Variants in SYT1 observed in about 807,000 individuals in gnomAD.
The protein encoded by SYT1 is synaptotagmin 1.
SYT1 carries 8 observed loss-of-function variants against 44.8 expected under a neutral mutation model. The ratio of observed to expected loss-of-function variants is 0.18; its 90% CI spans 0.10 to 0.32. SYT1 has a LOEUF of 0.32. Among genes scored for constraint, SYT1 ranks in the 10% least tolerant of loss-of-function variants. The pLI is 1.00. For missense variants in SYT1, 286 were observed against 509.3 expected, an observed-to-expected ratio of 0.56 and a Z score of 4.22; for synonymous variants, 154 against 188.8, an observed-to-expected ratio of 0.82 and a Z score of 1.51.
intron 3 of SYT1, among the ~76,000 whole-genome samples, chr12:79,057,002 C>T (rs1565785860): frequency 6.6e-6 from 1 of 152,018 alleles, no homozygotes. Flanking sequence ...AACACCACTT[C>T]TCCTTTCAAT....
chr12:79,263,286 T>A (rs976106690), intron 4 of SYT1, among the ~76,000 whole-genome samples: 18 of 147,712 alleles, frequency 1.2e-4, no homozygotes, highest in Admixed American at 2.7e-4. Flanking sequence ...TTTTTTTTTT[T>A]ATGTCCAGAG....
intron 1 of SYT1, among the ~76,000 whole-genome samples, chr12:78,968,513 AT>A (rs781397355): frequency 1.3e-5 from 2 of 152,194 alleles, no homozygotes; most frequent in Non-Finnish European, 2.9e-5. Flanking sequence ...TTGAAAGTTC[AT>A]CTGTGAATTT....
At chr12:79,373,524 A>C (rs1454510115) in intron 9 of SYT1, among the ~76,000 whole-genome samples, 1 of 152,168 alleles carries the variant, frequency 6.6e-6, no homozygotes, top group Non-Finnish European at 1.5e-5. Flanking sequence ...ATATCTGTTT[A>C]ACTTTGTAAT....
chr12:78,925,790 C>G (rs1167571595), intron 1 of SYT1, among the ~76,000 whole-genome samples: 4 of 151,914 alleles, frequency 2.6e-5, no homozygotes, highest in Non-Finnish European at 5.9e-5. Context: ...TACTTCATAC[C>G]TTTTTCTCAA....
chr12:79,121,532 G>C (rs1010898027), intron 3 of SYT1, among the ~76,000 whole-genome samples: 13 of 152,208 alleles, frequency 8.5e-5, no homozygotes, highest in Non-Finnish European at 1.8e-4. Flanking sequence ...CTGAATAAAG[G>C]GTTCAATTTT....
At chr12:79,339,624 G>A (rs999014375) in intron 8 of SYT1, among the ~76,000 whole-genome samples, 1 of 152,140 alleles carries the variant, frequency 6.6e-6, no homozygotes, top group Non-Finnish European at 1.5e-5. Context: ...AAGGTTACCT[G>A]TTCACTCTGA....
chr12:78,968,681 A>G (rs17264430), intron 1 of SYT1, among the ~76,000 whole-genome samples: 8,387 of 152,246 alleles, frequency 0.055, 256 homozygotes, highest in Admixed American at 0.089. Flanking sequence ...TGGGGCATGC[A>G]TAGTGCAGAG....
chr12:79,023,590 T>C (rs1440076734), intron 2 of SYT1, among the ~76,000 whole-genome samples: 2 of 151,916 alleles, frequency 1.3e-5, no homozygotes, highest in Non-Finnish European at 2.9e-5. Context: ...AACCAGCCTG[T>C]AGTCGTTGTT....
chr12:79,164,006 T>G (rs1407969189), intron 3 of SYT1, among the ~76,000 whole-genome samples: 1 of 151,966 alleles, frequency 6.6e-6, no homozygotes, highest in African/African-American at 2.4e-5. Context: ...CTTTCTATCT[T>G]TTTTCCACCA....
chr12:79,168,025 C>T (rs879533185), intron 3 of SYT1, among the ~76,000 whole-genome samples: 4 of 152,090 alleles, frequency 2.6e-5, no homozygotes, highest in Admixed American at 2.6e-4. Flanking sequence ...CAGTAATGCT[C>T]ATTCTCCATC....
At chr12:78,908,136 T>C (rs986616607) in intron 1 of SYT1, among the ~76,000 whole-genome samples, 2 of 151,906 alleles carry the variant, frequency 1.3e-5, no homozygotes, top group African/African-American at 4.8e-5. Context: ...TTTCAGAAAC[T>C]CAAGGAAAAT....
intron 9 of SYT1, among the ~76,000 whole-genome samples, chr12:79,389,742 A>G (rs991226136): frequency 1.3e-5 from 2 of 152,210 alleles, no homozygotes; most frequent in African/African-American, 4.8e-5. Context: ...TTCAACTCTC[A>G]GTTCTACCAT....
intron 9 of SYT1, chr12:79,392,428 A>G (rs1258286574): frequency 2.6e-5 from 4 of 152,178 alleles, no homozygotes; most frequent in Non-Finnish European, 5.9e-5. Context: ...AATAATACAG[A>G]TTGTAGATGC....
intron 3 of SYT1, among the ~76,000 whole-genome samples, chr12:79,178,165 G>T (rs927964591): frequency 4.6e-5 from 7 of 152,034 alleles, no homozygotes; most frequent in Non-Finnish European, 8.8e-5. Context: ...TTTTAGCATA[G>T]TTGGCCCTTG....
At chr12:79,035,958 A>C (rs920305438) in intron 2 of SYT1, among the ~76,000 whole-genome samples, 81 of 151,826 alleles carry the variant, frequency 5.3e-4, no homozygotes, top group Admixed American at 2.1e-3. Flanking sequence ...ACAAAAAAAA[A>C]AAAAACAAGG....
At chr12:79,091,431 C>T (rs1877769483) in intron 3 of SYT1, among the ~76,000 whole-genome samples, 3 of 151,966 alleles carry the variant, frequency 2.0e-5, no homozygotes, top group Non-Finnish European at 4.4e-5. Flanking sequence ...ATTGAAGCAG[C>T]ATATAAACTA....
intron 9 of SYT1, among the ~76,000 whole-genome samples, chr12:79,435,963 C>T (rs1392291530): frequency 6.6e-6 from 1 of 152,186 alleles, no homozygotes. Flanking sequence ...GGAAGTTATA[C>T]ATATCACTTC....
At chr12:79,049,018 G>T (rs1650227873) in intron 3 of SYT1, among the ~76,000 whole-genome samples, 2 of 151,768 alleles carry the variant, frequency 1.3e-5, no homozygotes, top group Admixed American at 6.6e-5. Context: ...GAAAATGGTT[G>T]AATTTTTTAA....
intron 3 of SYT1, among the ~76,000 whole-genome samples, chr12:79,123,177 T>C (rs189642913): frequency 1.6e-4 from 24 of 149,820 alleles, no homozygotes; most frequent in African/African-American, 5.9e-4. Context: ...AGCCAGTGGA[T>C]TTCTAGACAG....
Sources: gnomAD v4.1 joint callset for allele counts (sites outside exome capture counted in the v4.1 genomes callset) on GRCh38, gnomAD v4.1.1 for gene constraint, MANE v1.5 for transcripts, NCBI Gene and HGNC (gene_info 2026-07-23, HGNC 2026-07-21) for gene names.